The following NOTCH3 variants were observed in gnomAD, a reference collection of about 807,000 sequenced individuals.
NOTCH3 encodes the protein neurogenic locus notch homolog protein 3.
Under a neutral mutation model 213.3 loss-of-function variants are expected in NOTCH3, and 86 were observed. The ratio of observed to expected loss-of-function variants is 0.40; its 90% CI spans 0.34 to 0.48. The LOEUF is 0.48. Ranked by LOEUF, NOTCH3 falls within the 20% of genes least tolerant of loss-of-function variation. NOTCH3 has a pLI of 0.57. For synonymous variants in NOTCH3, 1,354 were observed against 1,355.9 expected, an observed-to-expected ratio of 1.00 and a Z score of 0.03; for missense variants, 2,783 against 3,272.6, an observed-to-expected ratio of 0.85 and a Z score of 3.65.
Position 15,177,823 on chromosome 19 carries a change from C to T in NOTCH3, c.4105G>A (p.Gly1369Arg), listed in dbSNP as rs1426798417. Residue 1369 changes from glycine (G) to arginine (R), a missense_variant, in exon 24 of 33, where the codon GGG becomes AGG. By Grantham distance (125) the Gly-to-Arg change is moderately radical. Around this residue, in one of 6 missense-constraint regions of NOTCH3, gnomAD observed 133 missense variants for 201.9 expected, o/e 0.66. Transcript: ENST00000263388. ...GCGGCGGGCGCCTCGCAGCGCGGCC[C>T]GGTCCAGCCCTGCGCGCAAGCGCAG... ...FRCACAQGWT[G>R]PRCEAPAAAP... is the part of the protein sequence containing the mutation. 3 of 1,216,442 alleles carry T rather than the reference C, an allele frequency of 2.5e-6. No individual in the cohort carries two copies. The highest frequency in any genetic ancestry group is 3.1e-6 in the Non-Finnish European group (3 of 980,544). 75.4% of individuals were successfully genotyped at this position (1,216,442 alleles called of 1,614,324 possible). A position where few individuals can be genotyped will look rare whatever the true frequency, so the allele number is the denominator to read the frequency against.
chr19:15,186,775 C>T, intron 12 of NOTCH3, 103 bp downstream of exon 12: 1 of 925,452 alleles, frequency 1.1e-6, no homozygotes, highest in Non-Finnish European at 1.8e-6. Flanking sequence ...CGGACAACCT[C>T]GTTGGACAAG....
chr19:15,198,085 C>G (rs1568364294), intron 1 of NOTCH3, among the ~76,000 whole-genome samples: 1 of 152,178 alleles, frequency 6.6e-6, no homozygotes, highest in East Asian at 1.9e-4. Context: ...AAGGCATGTA[C>G]CCACGAGTGA....
At chr19:15,182,205 T>G (rs2046846866) in intron 16 of NOTCH3, among the ~76,000 whole-genome samples, 1 of 152,026 alleles carries the variant, frequency 6.6e-6, no homozygotes, top group Non-Finnish European at 1.5e-5. Context: ...TTTTGAAGAC[T>G]TGGTATGAAA....
At position 15,179,425 on chromosome 19, in the gene NOTCH3, G is replaced by T. The variant is rs112197217; in HGVS notation, c.3399C>A (p.His1133Gln). 25,988 of 1,613,984 alleles carry T rather than the reference G, an allele frequency of 0.016. 263 individuals carry two copies. Among genetic ancestry groups the T allele is most frequent in the Non-Finnish European group, 0.02 (23,503 of 1,179,996 alleles). The change falls in exon 21 of 33, where the codon CAC becomes CAA. Residue 1133 changes from histidine (H) to glutamine (Q), a missense_variant. By Grantham distance (24) the His-to-Gln change is conservative. This residue lies in a region of NOTCH3 where 861 missense variants were observed against 909.1 expected (regional missense o/e 0.95). Transcript: ENST00000263388. The part of the protein sequence containing the change: ...VDECASQPCQ[H>Q]GGSCIDLVAR... ...CCACGAGGTCAATGCATGAACCCCC[G>T]TGCTGGCAGGGCTGGGAGGCACACT...
At position 15,161,008 on chromosome 19, in the gene NOTCH3, C is replaced by A; in HGVS notation, c.6620G>T (p.Arg2207Leu). 2 of 1,542,906 alleles carry A rather than the reference C, an allele frequency of 1.3e-6. No homozygotes were observed. Among genetic ancestry groups the A allele is most frequent in the Non-Finnish European group, 1.7e-6 (2 of 1,145,120 alleles). The change falls in exon 33 of 33, where the codon CGG (arginine) becomes CTG (leucine). Residue 2207 changes from arginine (R) to leucine (L), a missense_variant. Physicochemically the swap from Arg to Leu is moderately radical, Grantham distance 102 (BLOSUM62 -2). Transcript: ENST00000263388. ...NPGTPVSPQE[R>L]PPPYLAVPGH... ...TGGGACTGCCAGGTAAGGCGGGGGCCGCTCCTGCGGGGAGACGGGGGTCCC... is the reference window on the plus strand; with the variant it reads ...TGGGACTGCCAGGTAAGGCGGGGGCAGCTCCTGCGGGGAGACGGGGGTCCC...
chr19:15,159,660 G>A lies in NOTCH3; in HGVS notation c.*1002C>T, dbSNP rs2046623334. ...AGTGTTAACTATTCCTTTATTAGGT[G>A]GTGAGGGGAGTGGGGGGCTGTACAA... On this transcript the variant is annotated 3_prime_UTR_variant, in exon 33 of 33. Transcript: ENST00000263388. The A allele has an allele frequency of 8.6e-6, 2 of 232,380 alleles. No individual in the cohort carries two copies. Among genetic ancestry groups the A allele is most frequent in the African/African-American group, 2.2e-5 (1 of 45,298 alleles). The allele number at this position is 232,380 out of a possible 1,614,324, so 14.4% of individuals were successfully genotyped here.
At chr19:15,175,434 T>C (rs1431480599) in intron 24 of NOTCH3, among the ~76,000 whole-genome samples, 1 of 147,556 alleles carries the variant, frequency 6.8e-6, no homozygotes, top group Non-Finnish European at 1.5e-5. Flanking sequence ...CTCGGGAAGC[T>C]GAGGCAGGAG....
intron 9 of NOTCH3, 113 bp downstream of exon 9, chr19:15,188,122 C>T (rs1005214097): frequency 1.9e-6 from 2 of 1,061,268 alleles, no homozygotes; most frequent in African/African-American, 3.1e-5. Context: ...TGTTTCATAA[C>T]ATATGGTTTC....
rs1174442126 is a variant in NOTCH3, at chr19:15,191,582, T to C, written c.878A>G (p.Asn293Ser). The C allele has an allele frequency of 3.1e-6, 5 of 1,613,616 alleles. No individual in the cohort carries two copies. The highest frequency in any genetic ancestry group is 4.2e-6 in the Non-Finnish European group (5 of 1,180,052). Residue 293 changes from asparagine to serine, a missense_variant, in exon 6 of 33, where the codon AAC becomes AGC. Transcript: ENST00000263388. The part of the protein sequence containing the change: ...NACHNGGTCF[N>S]TLGGHSCVCV... The stretch of plus-strand genomic sequence containing the variant: ...CACGCAGCTGTGGCCACCCAGCGTG[T>C]TGAAGCAGGTACCCCCATTGTGGCA...
At chr19:15,200,734 C>A in intron 1 of NOTCH3, 54 bp downstream of exon 1, 1 of 1,206,442 alleles carries the variant, frequency 8.3e-7, no homozygotes, top group South Asian at 3.6e-5. Flanking sequence ...CTTGGGGGTT[C>A]TTGCACTCCC....
chr19:15,188,933 C>T (rs1599391253), intron 8 of NOTCH3, 56 bp downstream of exon 8: 2 of 1,547,624 alleles, frequency 1.3e-6, no homozygotes, highest in Admixed American at 1.9e-5. Flanking sequence ...CATCCGCGGG[C>T]TTCTCTGTCC....
rs776421073 is a variant in NOTCH3, at chr19:15,185,678, C to A, written c.1953G>T (p.Gly651=). The A allele has an allele frequency of 2.5e-6, 4 of 1,612,912 alleles. No individual in the cohort carries two copies. The African/African-American group carries it at 5.3e-5, about 22-fold the overall frequency. The change falls in exon 13 of 33, where the codon GGG becomes GGT. Residue 651 remains glycine, a splice_region_variant and synonymous_variant. Coordinates refer to ENST00000263388, the MANE Select transcript of NOTCH3 (RefSeq NM_000435.3). The surrounding 1 kb of genome is among the most constrained non-coding windows in gnomAD (Gnocchi z 4.2). The part of the protein sequence containing the change: ...YDCVCQPGFT[G]PLCNVEINEC... ...CATTGATCTCCACGTTACAAAGGGGCCCTGGGGAGTACACAAGCAATCTCA... is the reference window on the plus strand; with the variant it reads ...CATTGATCTCCACGTTACAAAGGGGACCTGGGGAGTACACAAGCAATCTCA...
rs2145421405 is a variant in NOTCH3, at chr19:15,180,678, C to T, written c.3142+3G>A. On this transcript the variant is annotated splice_donor_region_variant and intron_variant, in intron 19 of 32. Coordinates refer to ENST00000263388, the MANE Select transcript of NOTCH3 (RefSeq NM_000435.3). ...ACACGCCCGCCCACATGCTCCCACT[C>T]ACCGATCTGGGCTGCGGCCTCCCTG... is the stretch of plus-strand genomic sequence containing the variant. 1 of 1,551,012 alleles carries T rather than the reference C, an allele frequency of 6.4e-7. No individual in the cohort carries two copies. Among genetic ancestry groups the T allele is most frequent in the Admixed American group, 1.9e-5 (1 of 51,448 alleles).
At chr19:15,169,186 G>GTCTC (rs56916343) in intron 28 of NOTCH3, among the ~76,000 whole-genome samples, 2,161 of 146,590 alleles carry the variant, frequency 0.015, 30 homozygotes, top group Middle Eastern at 0.038. Flanking sequence ...TGTCAAATCT[G>GTCTC]TCTCTCTCTC....
At position 15,159,183 on chromosome 19, in the gene NOTCH3, G is replaced by A. The variant is rs1425906184; in HGVS notation, c.*1479C>T. On this transcript the variant is annotated 3_prime_UTR_variant, in exon 33 of 33. Transcript: ENST00000263388. ...AAATACCTGTTGATCTCAATGGAAT[G>A]AACACTCAATTAACTGGAATTGATA... 6.6e-6 allele frequency: 1 copy of A among 152,158 alleles called. No individual in the cohort carries two copies. The highest frequency in any genetic ancestry group is 2.4e-5 in the African/African-American group (1 of 41,412). The allele number at this position is 152,158 out of a possible 1,614,324, so 9.4% of individuals were successfully genotyped here.
chr19:15,164,994 C>T (rs1001797946), intron 31 of NOTCH3, among the ~76,000 whole-genome samples: 5 of 152,160 alleles, frequency 3.3e-5, no homozygotes, highest in African/African-American at 1.2e-4. Context: ...CCAGTCTGGT[C>T]TCAAACTCCT....
Position 15,185,558 on chromosome 19 carries a change from G to A in NOTCH3, c.2073C>T (p.Leu691=), listed in dbSNP as rs2046874734. ...CLCPPGSLPP[L]CLPPSHPCAH... The stretch of plus-strand genomic sequence containing the variant: ...CACAGGGATGGCTCGGGGGGAGGCA[G>A]AGTGGGGGCAAGGAGCCAGGCGGGC... The change falls in exon 13 of 33, where the codon CTC becomes CTT. Residue 691 remains leucine (L), a synonymous_variant. Coordinates refer to ENST00000263388, the MANE Select transcript of NOTCH3 (RefSeq NM_000435.3). The surrounding 1 kb of genome is among the most constrained non-coding windows in gnomAD (Gnocchi z 4.2). 1.2e-6 allele frequency: 2 copies of A among 1,613,552 alleles called. No individual in the cohort carries two copies. The highest frequency in any genetic ancestry group is 1.7e-6 in the Non-Finnish European group (2 of 1,179,996).
At chr19:15,182,953 T>G (rs1403222807) in intron 16 of NOTCH3, among the ~76,000 whole-genome samples, 2 of 152,116 alleles carry the variant, frequency 1.3e-5, no homozygotes, top group East Asian at 3.9e-4. Context: ...ATTATATACA[T>G]TCAATAAATT....
At chr19:15,161,982 C>CTTTTTT (rs71168583) in intron 32 of NOTCH3, among the ~76,000 whole-genome samples, 11 of 114,712 alleles carry the variant, frequency 9.6e-5, no homozygotes, top group Non-Finnish European at 1.7e-4. Context: ...TTTTTCTTGT[C>CTTTTTT]TTTTTTTTTT....
Sources: allele counts gnomAD v4.1 joint callset (sites outside exome capture counted in the v4.1 genomes callset), GRCh38; gene constraint gnomAD v4.1.1; regional missense constraint gnomAD v4.1.1; non-coding constraint Gnocchi (gnomAD v3.1); transcripts MANE v1.5; gene names NCBI Gene and HGNC (gene_info 2026-07-23, HGNC 2026-07-21).